The following CXorf58 variants were observed in gnomAD, a reference collection of about 807,000 sequenced individuals.
CXorf58 encodes the protein uncharacterized protein CXorf58.
CXorf58 carries 24 observed loss-of-function variants against 26.0 expected under a neutral mutation model. That is an observed-to-expected ratio of 0.92 (90% CI 0.67 to 1.30). CXorf58 has a LOEUF of 1.30. Ranked by LOEUF, CXorf58 falls within the 50% of genes most tolerant of loss-of-function variation. The pLI is 0.00. For missense variants in CXorf58, 236 were observed against 263.9 expected (o/e 0.89, Z 0.73); for synonymous variants, 87 against 86.1 (o/e 1.01, Z -0.06).
intron 7 of CXorf58, among the ~76,000 whole-genome samples, chrX:23,936,581 G>A (rs1928301184): frequency 8.9e-6 from 1 of 111,959 alleles, no homozygotes; most frequent in South Asian, 3.7e-4. Flanking sequence ...TTTCTTAAAA[G>A]AAGAAAGAGA....
At chrX:23,932,994 C>CA (rs200244511) in intron 6 of CXorf58, among the ~76,000 whole-genome samples, 9 of 106,438 alleles carry the variant, frequency 8.5e-5, no homozygotes, top group Admixed American at 8.1e-4. Flanking sequence ...GACTCCATCT[C>CA]AAAAAAAAAA....
chrX:23,915,714 A>G lies in CXorf58; in HGVS notation c.231A>G (p.Thr77=), dbSNP rs768008384. Reference sequence around the variant, plus strand: ...CTTTATTTCAGGAATTCTATGTAACACATGAAATACTGAAGAAAGTGGCCC... The same window carrying G: ...CTTTATTTCAGGAATTCTATGTAACGCATGAAATACTGAAGAAAGTGGCCC... ...HAICAAEFYV[T]HEILKKVAPL... is the part of the protein sequence containing the mutation. Residue 77 remains threonine, a synonymous_variant, in exon 4 of 9, where the codon ACA becomes ACG. Coordinates refer to ENST00000379211, the MANE Select transcript of CXorf58 (RefSeq NM_152761.3). 4 of 1,180,148 alleles carry G rather than the reference A, an allele frequency of 3.4e-6. 1 individual carries two copies. The South Asian group carries it at 7.2e-5, about 21-fold the overall frequency.
At position 23,911,872 on chromosome X, in the gene CXorf58, A is replaced by ATT; in HGVS notation, c.216+22_216+23dup. 1 of 1,077,098 alleles carries ATT rather than the reference A, an allele frequency of 9.3e-7. No homozygotes were observed. Among genetic ancestry groups the ATT allele is most frequent in the Non-Finnish European group, 1.3e-6 (1 of 782,110 alleles). The allele number at this position is 1,077,098 out of a possible 1,213,427, so 88.8% of individuals were successfully genotyped here. On this transcript the variant is annotated intron_variant, in intron 3 of 8. Transcript: ENST00000379211. ...TTGTGCAGCGGTATGTATTTTGCTT[A>ATT]TTTTTTTCTCTGAGGGATTTAATTA...
chrX:23,912,527 G>A (rs112941228), intron 3 of CXorf58, among the ~76,000 whole-genome samples: 8,115 of 110,552 alleles, frequency 0.073, 646 homozygotes, highest in African/African-American at 0.23. Context: ...CCAAGGCAGG[G>A]AGGGCCAGGA....
chrX:23,925,913 C>T (rs952030221), intron 5 of CXorf58, among the ~76,000 whole-genome samples: 2 of 106,080 alleles, frequency 1.9e-5, no homozygotes, highest in Non-Finnish European at 3.9e-5. Context: ...CTCAGCCTCC[C>T]GAGCAGCTGA....
intron 5 of CXorf58, among the ~76,000 whole-genome samples, chrX:23,925,945 C>T (rs1463411534): frequency 9.4e-6 from 1 of 106,910 alleles, no homozygotes; most frequent in African/African-American, 3.4e-5. Flanking sequence ...CCTGCCACCA[C>T]GCCTGGCTAA....
chrX:23,912,981 C>G (rs1183962804), intron 3 of CXorf58, among the ~76,000 whole-genome samples: 11 of 109,347 alleles, frequency 1.0e-4, no homozygotes, highest in Admixed American at 3.0e-4. Flanking sequence ...GATAGCTCAT[C>G]AGTTAAAAAA....
intron 1 of CXorf58, among the ~76,000 whole-genome samples, chrX:23,909,568 G>A (rs909996911): frequency 2.7e-5 from 3 of 111,568 alleles, no homozygotes; most frequent in African/African-American, 6.5e-5. Context: ...TATGTTATGC[G>A]TTTTAAAACC....
In CXorf58 at chrX:23,935,210, C is replaced by T. The variant is rs375231563; in HGVS notation, c.570C>T (p.Phe190=). ...TTTCCCTACAGTATCGCAGTTTTTT[C>T]GATGAGGCCCCTGCATTTTCTGGCG... The part of the protein sequence containing the change: ...MQDYVQYRSF[F]DEAPAFSGGR... Residue 190 remains phenylalanine, a synonymous_variant, in exon 7 of 9, where the codon TTC becomes TTT. Coordinates refer to ENST00000379211, the MANE Select transcript of CXorf58 (RefSeq NM_152761.3). 29 of 1,205,164 alleles carry T rather than the reference C, an allele frequency of 2.4e-5. No homozygotes were observed. In the African/African-American group the frequency reaches 2.5e-4, roughly 10 times the overall value.
intron 7 of CXorf58, among the ~76,000 whole-genome samples, chrX:23,935,802 T>C (rs1281528238): frequency 1.8e-5 from 2 of 108,992 alleles, no homozygotes; most frequent in African/African-American, 6.7e-5. Context: ...AGACGGAGTC[T>C]CACTCTGTTG....
At chrX:23,930,813 C>T (rs1268592491) in intron 6 of CXorf58, among the ~76,000 whole-genome samples, 2 of 111,363 alleles carry the variant, frequency 1.8e-5, no homozygotes, top group Non-Finnish European at 3.8e-5. Flanking sequence ...AGGCTGGTCT[C>T]GAACTTCTGG....
At chrX:23,931,365 G>A (rs1928164141) in intron 6 of CXorf58, among the ~76,000 whole-genome samples, 1 of 111,909 alleles carries the variant, frequency 8.9e-6, no homozygotes, top group African/African-American at 3.2e-5. Flanking sequence ...CCTTATACGG[G>A]TGTGGCACTG....
chrX:23,937,582 C>A (rs1449950888), intron 7 of CXorf58, among the ~76,000 whole-genome samples: 1 of 109,408 alleles, frequency 9.1e-6, no homozygotes, highest in Admixed American at 9.9e-5. Flanking sequence ...TGTGCCACCA[C>A]GCCTGGCTAA....
At chrX:23,922,984 C>T (rs754184856) in intron 5 of CXorf58, among the ~76,000 whole-genome samples, 1 of 112,007 alleles carries the variant, frequency 8.9e-6, no homozygotes, top group South Asian at 3.8e-4. Context: ...CGCTTTGAGT[C>T]ACCCACTAAG....
In CXorf58 at chrX:23,917,832, C is replaced by CTTTAT. The variant is rs777404800; in HGVS notation, c.423+1523_423+1527dup. On this transcript the variant is annotated intron_variant, in intron 5 of 8. Transcript: ENST00000379211. ...CGCTGCTGCTGGTCCATAAACCACA[C>CTTTAT]TTTATTTTATTTTATTTTATTTTTT... Among the ~76,000 whole-genome samples the CTTTAT allele has an allele frequency of 9.5e-3, 1,053 of 111,132 alleles. 9 individuals are homozygous for CTTTAT. Among genetic ancestry groups the CTTTAT allele is most frequent in the African/African-American group, 0.032 (988 of 30,593 alleles).
rs1232498587 is a variant in CXorf58 at position 23,935,150 on chromosome X, G to A, written c.556-46G>A. 4 of 1,024,303 alleles carry A rather than the reference G, an allele frequency of 3.9e-6. No homozygotes were observed. In the Admixed American group the frequency reaches 9.1e-5, roughly 23 times the overall value. 84.4% of individuals were successfully genotyped at this position (1,024,303 alleles called of 1,213,427 possible). A position where few individuals can be genotyped will look rare whatever the true frequency, so the allele number is the denominator to read the frequency against. ...CAAAGTTCTGGGATTATAGGTATGAGCCACCGCACCTGGCCAACTTAATCG... is the reference window on the plus strand; with the variant it reads ...CAAAGTTCTGGGATTATAGGTATGAACCACCGCACCTGGCCAACTTAATCG... On this transcript the variant is annotated intron_variant, in intron 6 of 8. Coordinates refer to ENST00000379211, the MANE Select transcript of CXorf58 (RefSeq NM_152761.3).
intron 6 of CXorf58, among the ~76,000 whole-genome samples, chrX:23,931,637 A>G (rs1194142119): frequency 8.9e-6 from 1 of 112,145 alleles, no homozygotes; most frequent in African/African-American, 3.2e-5. Flanking sequence ...GCAAATTGAA[A>G]CCATGCAAAG....
chrX:23,915,118 A>C (rs1375511656), intron 3 of CXorf58, among the ~76,000 whole-genome samples: 1 of 112,820 alleles, frequency 8.9e-6, no homozygotes, highest in Non-Finnish European at 1.9e-5. Context: ...TGGGCGACGG[A>C]GCGAGACTCT....
intron 3 of CXorf58, among the ~76,000 whole-genome samples, chrX:23,915,392 C>T (rs1283982008): frequency 1.8e-5 from 2 of 111,666 alleles, no homozygotes; most frequent in African/African-American, 6.5e-5. Context: ...ATGAAGCTTA[C>T]AGTCTAGTAG....
Sources: allele counts gnomAD v4.1 joint callset (sites outside exome capture counted in the v4.1 genomes callset), GRCh38; gene constraint gnomAD v4.1.1; transcripts MANE v1.5; gene names NCBI Gene and HGNC (gene_info 2026-07-23, HGNC 2026-07-21).